The following EMC7 variants were observed in gnomAD, a reference collection of about 807,000 sequenced individuals.
EMC7 encodes endoplasmic reticulum membrane protein complex subunit 7.
A neutral mutation model predicts 24.4 loss-of-function variants in EMC7; 4 were observed. That is an observed-to-expected ratio of 0.16 (90% CI 0.08 to 0.38). The LOEUF is 0.38. Ranked by LOEUF, EMC7 falls within the 10% of genes least tolerant of loss-of-function variation. The pLI is 1.00. For synonymous variants in EMC7, 106 were observed against 112.0 expected (o/e 0.95, Z 0.34); for missense variants, 221 against 300.6 (o/e 0.74, Z 1.96).
At position 34,093,296 on chromosome 15, in the gene EMC7, G is replaced by T. The variant is rs374122452; in HGVS notation, c.356+2599C>A. On this transcript the variant is annotated intron_variant, in intron 2 of 4. Transcript: ENST00000256545. ...CTATTAAAAATGCAAAATTAGTTGG[G>T]AGTGGTGGCGCATGCCTGTAGTCCC... 9.6e-4 allele frequency among the ~76,000 whole-genome samples: 146 copies of T among 152,196 alleles called. 1 individual carries two copies. The South Asian group carries it at 0.013, about 14-fold the overall frequency.
intron 2 of EMC7, among the ~76,000 whole-genome samples, chr15:34,091,118 T>C (rs1403252325): frequency 6.6e-6 from 1 of 152,220 alleles, no homozygotes; most frequent in Non-Finnish European, 1.5e-5. Context: ...TTCTGCTCAG[T>C]TTCTTAATGC....
chr15:34,086,499 G>A (rs1900889998), intron 4 of EMC7, among the ~76,000 whole-genome samples: 1 of 152,032 alleles, frequency 6.6e-6, no homozygotes, highest in South Asian at 2.1e-4. Flanking sequence ...CACGATCTCA[G>A]CTCACTGCAA....
chr15:34,088,882 G>A (rs755038062), intron 3 of EMC7, among the ~76,000 whole-genome samples: 2 of 151,994 alleles, frequency 1.3e-5, no homozygotes, highest in Non-Finnish European at 1.5e-5. Context: ...TTGAGACACG[G>A]TCTCGCTCTG....
chr15:34,088,575 A>G (rs1900927709), intron 3 of EMC7, among the ~76,000 whole-genome samples: 1 of 150,022 alleles, frequency 6.7e-6, no homozygotes, highest in Non-Finnish European at 1.5e-5. Context: ...GACCTACTTT[A>G]GCAGACCAGT....
chr15:34,089,480 C>T (rs1319524761), intron 3 of EMC7, among the ~76,000 whole-genome samples: 1 of 152,108 alleles, frequency 6.6e-6, no homozygotes, highest in Admixed American at 6.5e-5. Context: ...AGAATGCATG[C>T]TATTAGTGTT....
intron 2 of EMC7, 40 bp from the exon 3 acceptor site, chr15:34,090,495 A>G (rs1900960847): frequency 1.3e-6 from 2 of 1,587,150 alleles, no homozygotes; most frequent in Non-Finnish European, 1.7e-6. Flanking sequence ...TAATTCCATT[A>G]AAAACATTAC....
At position 34,101,835 on chromosome 15, in the gene EMC7, G is replaced by T; in HGVS notation, c.5C>A (p.Ala2Glu). Residue 2 changes from alanine to glutamate, a missense_variant, in exon 1 of 5, where the codon GCG becomes GAG. Ala to Glu is a moderately radical substitution (Grantham distance 107, BLOSUM62 -1). Around this residue, in one of 2 missense-constraint regions of EMC7, gnomAD observed 156 missense variants for 177.1 expected, o/e 0.88. Coordinates refer to ENST00000256545, the MANE Select transcript of EMC7 (RefSeq NM_020154.3). ...GGGAAAGAAGCCCCACAGAGCGGCC[G>T]CCATGACAGCAGCTCTGCACTCAGA... M[A>E]AALWGFFPVL... 2 of 1,601,934 alleles carry T rather than the reference G, an allele frequency of 1.2e-6. No homozygotes were observed. Among genetic ancestry groups the T allele is most frequent in the Non-Finnish European group, 1.7e-6 (2 of 1,176,836 alleles).
At chr15:34,095,060 T>C (rs754295798) in intron 2 of EMC7, among the ~76,000 whole-genome samples, 1 of 152,242 alleles carries the variant, frequency 6.6e-6, no homozygotes, top group Non-Finnish European at 1.5e-5. Flanking sequence ...AGTCTAAATA[T>C]GCTGCGCAGA....
chr15:34,086,029 G>A (rs768751462), intron 4 of EMC7: 4 of 295,182 alleles, frequency 1.4e-5, no homozygotes, highest in South Asian at 7.3e-5. Context: ...ATCTCAGCAC[G>A]GTAACATTTG....
Position 34,090,377 on chromosome 15 carries a change from T to G in EMC7, c.435A>C (p.Pro145=). The change falls in exon 3 of 5, where the codon CCA becomes CCC. Residue 145 remains proline (P), a synonymous_variant. Coordinates refer to ENST00000256545, the MANE Select transcript of EMC7 (RefSeq NM_020154.3). ...ATTCCCTTTTAATAAAGTAAGAAGG[T>G]GGACCTGAAGATTTCATTTGGAGAG... ...PYPLQMKSSG[P]PSYFIKRESW... is the part of the protein sequence containing the mutation. The G allele has an allele frequency of 6.2e-7, 1 of 1,614,050 alleles. No individual in the cohort carries two copies. Among genetic ancestry groups the G allele is most frequent in the Non-Finnish European group, 8.5e-7 (1 of 1,179,968 alleles).
At chr15:34,084,622 C>CTACTG (rs1203872528) in intron 4 of EMC7, 136 bp from the exon 5 acceptor site, 1 of 828,860 alleles carries the variant, frequency 1.2e-6, no homozygotes, top group African/African-American at 1.7e-5. Context: ...ACATCATACT[C>CTACTG]AGTAGTACTT....
chr15:34,099,843 G>A (rs567299400), intron 1 of EMC7, among the ~76,000 whole-genome samples: 31 of 152,160 alleles, frequency 2.0e-4, no homozygotes, highest in African/African-American at 6.5e-4. Context: ...GGGCTCAAGC[G>A]ATCCTTCCAC....
chr15:34,088,222 A>G lies in EMC7; in HGVS notation c.496-89T>C, dbSNP rs1597403840. 7 of 1,125,514 alleles carry G rather than the reference A, an allele frequency of 6.2e-6. No individual in the cohort carries two copies. The East Asian group carries it at 1.5e-4, about 24-fold the overall frequency. 69.7% of individuals were successfully genotyped at this position (1,125,514 alleles called of 1,614,324 possible). A position where few individuals can be genotyped will look rare whatever the true frequency, so the allele number is the denominator to read the frequency against. ...GCACTTAACAACCAATGGTAAAATT[A>G]AAGATTTAAACGTTGTCTATACAAT... On this transcript the variant is annotated intron_variant, in intron 3 of 4. Transcript: ENST00000256545.
intron 2 of EMC7, among the ~76,000 whole-genome samples, chr15:34,093,366 G>A (rs959440015): frequency 6.6e-6 from 1 of 151,670 alleles, no homozygotes; most frequent in African/African-American, 2.4e-5. Flanking sequence ...GAACCCGGGA[G>A]GCGGAGGTTG....
chr15:34,086,286 G>T, intron 4 of EMC7: 1 of 279,744 alleles, frequency 3.6e-6, no homozygotes, highest in South Asian at 4.2e-5. Context: ...GATGATCTTG[G>T]GCTTCACAAA....
At chr15:34,084,619 A>T in intron 4 of EMC7, 133 bp from the exon 5 acceptor site, 2 of 826,524 alleles carry the variant, frequency 2.4e-6, no homozygotes, top group South Asian at 4.4e-5. Context: ...GCAACATCAT[A>T]CTCAGTAGTA....
At chr15:34,084,784 T>C (rs538875626) in intron 4 of EMC7, among the ~76,000 whole-genome samples, 11 of 151,924 alleles carry the variant, frequency 7.2e-5, no homozygotes, top group Non-Finnish European at 1.3e-4. Flanking sequence ...TTAGGGTACA[T>C]GTGCACAACG....
intron 2 of EMC7, among the ~76,000 whole-genome samples, chr15:34,093,823 A>ATATATATT (rs1190830993): frequency 2.1e-5 from 1 of 48,714 alleles, no homozygotes; most frequent in African/African-American, 1.1e-4. Flanking sequence ...ATATATATAT[A>ATATATATT]TTTTTTTTTT....
intron 4 of EMC7, among the ~76,000 whole-genome samples, chr15:34,085,698 G>A (rs1401195336): frequency 3.3e-5 from 5 of 151,948 alleles, no homozygotes; most frequent in Admixed American, 1.3e-4. Context: ...TAAGGCTAGC[G>A]AAAGAAATAT....
Sources: gnomAD v4.1 joint callset for allele counts (sites outside exome capture counted in the v4.1 genomes callset) on GRCh38, gnomAD v4.1.1 for gene constraint, gnomAD v4.1.1 regional missense constraint, MANE v1.5 for transcripts, NCBI Gene and HGNC (gene_info 2026-07-23, HGNC 2026-07-21) for gene names.